Variants in GPR176 observed in about 807,000 individuals in gnomAD.
GPR176 encodes the protein G-protein coupled receptor 176.
GPR176 carries 26 observed loss-of-function variants against 35.4 expected under a neutral mutation model. The ratio of observed to expected loss-of-function variants is 0.74; its 90% confidence interval spans 0.54 to 1.02. GPR176 has a LOEUF of 1.02. Among genes scored for constraint, GPR176 ranks in the 50% least tolerant of loss-of-function variants. The pLI, the probability that GPR176 is intolerant of heterozygous loss-of-function variation, is 0.00. For synonymous variants in GPR176, 278 were observed against 271.3 expected (o/e 1.02, Z -0.24); for missense variants, 597 against 665.3 (o/e 0.90, Z 1.13).
chr15:39,825,170 C>T (rs377173004), intron 1 of GPR176, among the ~76,000 whole-genome samples: 30 of 152,222 alleles, frequency 2.0e-4, no homozygotes, highest in African/African-American at 7.2e-4. Context: ...TCACTGCACT[C>T]CAGTCTGGGC....
chr15:39,908,565 T>C (rs202109926), intron 1 of GPR176, among the ~76,000 whole-genome samples: 48 of 150,996 alleles, frequency 3.2e-4, no homozygotes, highest in African/African-American at 1.1e-3. Flanking sequence ...TTTTTTTTTC[T>C]TTTTTTTGTT....
At chr15:39,893,679 G>A (rs1339217352) in intron 1 of GPR176, among the ~76,000 whole-genome samples, 1 of 151,888 alleles carries the variant, frequency 6.6e-6, no homozygotes, top group Non-Finnish European at 1.5e-5. Context: ...AGTAGGGGCG[G>A]CCGGGCAGAG....
intron 1 of GPR176, among the ~76,000 whole-genome samples, chr15:39,917,587 C>T (rs1002984835): frequency 6.6e-6 from 1 of 151,878 alleles, no homozygotes; most frequent in Non-Finnish European, 1.5e-5. Context: ...CTGCCCACCT[C>T]GGCCTCCCAA....
At chr15:39,900,273 G>C (rs558754178) in intron 1 of GPR176, among the ~76,000 whole-genome samples, 4 of 150,554 alleles carry the variant, frequency 2.7e-5, no homozygotes, top group Non-Finnish European at 4.4e-5. Context: ...CCAAATAAAG[G>C]CTTGAGAATG....
intron 1 of GPR176, among the ~76,000 whole-genome samples, chr15:39,918,685 C>A (rs1432940574): frequency 6.6e-6 from 1 of 151,192 alleles, no homozygotes; most frequent in Non-Finnish European, 1.5e-5. Context: ...ACACACACAC[C>A]CCTAGATATA....
chr15:39,858,199 GA>G (rs549638188), intron 1 of GPR176, among the ~76,000 whole-genome samples: 1 of 151,902 alleles, frequency 6.6e-6, no homozygotes, highest in Non-Finnish European at 1.5e-5. Flanking sequence ...CTTACTGGCA[GA>G]AAAAAAGCAA....
intron 1 of GPR176, among the ~76,000 whole-genome samples, chr15:39,886,628 T>G (rs535747143): frequency 6.6e-6 from 1 of 152,172 alleles, no homozygotes; most frequent in Non-Finnish European, 1.5e-5. Flanking sequence ...AAAGCTTGAG[T>G]CAAAGGCACA....
intron 1 of GPR176, among the ~76,000 whole-genome samples, chr15:39,895,231 C>T (rs1368238027): frequency 8.5e-6 from 1 of 117,654 alleles, no homozygotes; most frequent in East Asian, 2.9e-4. Flanking sequence ...AGAGGGAGAC[C>T]GTGGGGAGAG....
Position 39,920,254 on chromosome 15 carries a change from C to A in GPR176, c.-228G>T, listed in dbSNP as rs957683729. 8 of 385,976 alleles carry A rather than the reference C, an allele frequency of 2.1e-5. No individual in the cohort carries two copies. The highest frequency in any genetic ancestry group is 2.1e-5 in the African/African-American group (1 of 48,200). 23.9% of individuals were successfully genotyped at this position (385,976 alleles called of 1,614,324 possible). ...TGCCCACTCCCTCCTGGATCCCAGT[C>A]AGCAGCCACAAGAAGGCGGCACGGT... is the stretch of plus-strand genomic sequence containing the variant. On this transcript the variant is annotated 5_prime_UTR_variant, in exon 1 of 3. Transcript: ENST00000561100.
chr15:39,904,998 G>A (rs1428910439), intron 1 of GPR176, among the ~76,000 whole-genome samples: 2 of 152,172 alleles, frequency 1.3e-5, no homozygotes, highest in Non-Finnish European at 2.9e-5. Context: ...GCCTATTCCT[G>A]CCCCTCCTAC....
chr15:39,867,502 A>T (rs901745583), intron 1 of GPR176, among the ~76,000 whole-genome samples: 5 of 152,172 alleles, frequency 3.3e-5, no homozygotes, highest in Admixed American at 3.3e-4. Context: ...GTGAGGGGCA[A>T]GCCAGCTGGG....
At chr15:39,815,158 C>G (rs767033531) in intron 1 of GPR176, among the ~76,000 whole-genome samples, 1 of 152,078 alleles carries the variant, frequency 6.6e-6, no homozygotes, top group Non-Finnish European at 1.5e-5. Flanking sequence ...AGAGGTTTGG[C>G]CAGAGGAAAA....
chr15:39,905,065 A>G (rs970831015), intron 1 of GPR176, among the ~76,000 whole-genome samples: 1 of 152,182 alleles, frequency 6.6e-6, no homozygotes, highest in Non-Finnish European at 1.5e-5. Context: ...AATCTTGGAG[A>G]GCCAAGCAAA....
intron 1 of GPR176, among the ~76,000 whole-genome samples, chr15:39,873,547 A>T (rs1301277650): frequency 1.3e-5 from 2 of 152,084 alleles, no homozygotes; most frequent in Non-Finnish European, 1.5e-5. Flanking sequence ...TGTGAATTTC[A>T]TGGGTGACCT....
intron 1 of GPR176, among the ~76,000 whole-genome samples, chr15:39,884,893 A>G (rs562364571): frequency 6.9e-4 from 105 of 152,224 alleles, no homozygotes; most frequent in Non-Finnish European, 1.3e-3. Context: ...TGCCCTAAAC[A>G]AAACCGGGGT....
intron 1 of GPR176, among the ~76,000 whole-genome samples, chr15:39,865,726 C>T (rs1230662406): frequency 6.6e-6 from 1 of 152,114 alleles, no homozygotes; most frequent in African/African-American, 2.4e-5. Context: ...TATCAAAGTG[C>T]CATCTGCCAC....
rs2033272829 is a variant in GPR176, at chr15:39,901,414, TTTTCCATTTTACCTTCA to T, written c.172+18424_172+18440del. On this transcript the variant is annotated intron_variant, in intron 1 of 2. Transcript: ENST00000561100. ...CCTATTCATATTAAAGTCTCTATAT[TTTTCCATTTTACCTTCA>T]GCCCTTAAGCAACACTAGTTATTAA... 1.8e-4 allele frequency among the ~76,000 whole-genome samples: 28 copies of T among 152,320 alleles called. 2 individuals carry two copies. The South Asian group carries it at 5.0e-3, about 27-fold the overall frequency.
At chr15:39,894,112 G>A (rs1291658129) in intron 1 of GPR176, among the ~76,000 whole-genome samples, 1 of 98,112 alleles carries the variant, frequency 1.0e-5, no homozygotes, top group Admixed American at 9.3e-5. Context: ...CCTCCCGGAC[G>A]GGGCGGCTGG....
intron 1 of GPR176, among the ~76,000 whole-genome samples, chr15:39,832,399 G>A (rs771985606): frequency 1.5e-4 from 23 of 152,042 alleles, no homozygotes; most frequent in Non-Finnish European, 2.4e-4. Flanking sequence ...CAAACTTGCT[G>A]ATTAAAACAA....
Sources: gnomAD v4.1 joint callset for allele counts (sites outside exome capture counted in the v4.1 genomes callset) on GRCh38, gnomAD v4.1.1 for gene constraint, MANE v1.5 for transcripts, NCBI Gene and HGNC (gene_info 2026-07-23, HGNC 2026-07-21) for gene names.